TCF20: variants seen among roughly 807,000 people sequenced by gnomAD.
TCF20 encodes SPRE-binding protein.
A neutral mutation model predicts 148.6 loss-of-function variants in TCF20; 3 were observed. The observed-to-expected ratio is 0.02, with a 90% CI of 0.01 to 0.05. The LOEUF is 0.05. Among genes scored for constraint, TCF20 ranks in the 10% least tolerant of loss-of-function variants. The probability of loss-of-function intolerance (pLI) is 1.00; values close to 1 mark genes in which losing one functional copy is unlikely to be tolerated. For synonymous variants in TCF20, 1,049 were observed against 909.5 expected (o/e 1.15, Z -2.76); for missense variants, 2,350 against 2,429.3 (o/e 0.97, Z 0.69).
At chr22:42,215,500 T>TCA (rs907827543) in intron 1 of TCF20, 159 bp from the exon 2 acceptor site, 1 of 921,126 alleles carries the variant, frequency 1.1e-6, no homozygotes. Context: ...GACAAGAGTC[T>TCA]CACTCTGTCA....
rs537947453 is a variant in TCF20, at chr22:42,299,623, C to G, written c.-37+43856G>C. On this transcript the variant is annotated intron_variant, in intron 1 of 1. Transcript: ENST00000515426. The surrounding 1 kb of genome is among the most constrained non-coding windows in gnomAD (Gnocchi z 4.1). ...CTTTCTGTCCCAGCTAGCAGCTCTC[C>G]AACCTCTGTACCTCTCCCCGAACGC... Among the ~76,000 whole-genome samples the G allele has an allele frequency of 6.6e-6, 1 of 152,334 alleles. No homozygotes were observed. The highest frequency in any genetic ancestry group is 1.9e-4 in the East Asian group (1 of 5,176).
At chr22:42,247,999 T>C (rs1280703919) in intron 1 of TCF20, among the ~76,000 whole-genome samples, 3 of 152,198 alleles carry the variant, frequency 2.0e-5, no homozygotes, top group Non-Finnish European at 4.4e-5. Context: ...AACAAATATG[T>C]TGGCTCCTAC....
At chr22:42,194,320 G>A (rs1421075877) in intron 2 of TCF20, among the ~76,000 whole-genome samples, 1 of 152,216 alleles carries the variant, frequency 6.6e-6, no homozygotes, top group Non-Finnish European at 1.5e-5. Context: ...GCAAGTTAGT[G>A]AGATTCCATT....
At chr22:42,227,295 T>TA (rs769987567) in intron 1 of TCF20, among the ~76,000 whole-genome samples, 5 of 152,128 alleles carry the variant, frequency 3.3e-5, no homozygotes, top group Non-Finnish European at 7.4e-5. Flanking sequence ...ATAGTAATTT[T>TA]AAATTACTTC....
intron 1 of TCF20, among the ~76,000 whole-genome samples, chr22:42,339,587 C>G (rs77082277): frequency 6.6e-6 from 1 of 152,260 alleles, no homozygotes; most frequent in Non-Finnish European, 1.5e-5. Context: ...ACCCACTCTG[C>G]GTCAGCATGT....
At chr22:42,268,688 T>C (rs1926424661) in intron 1 of TCF20, among the ~76,000 whole-genome samples, 2 of 152,220 alleles carry the variant, frequency 1.3e-5, no homozygotes, top group Admixed American at 6.5e-5. Flanking sequence ...ATTTTCCAAG[T>C]AGACAAATAT....
chr22:42,206,452 AG>A (rs1430624104), intron 2 of TCF20, among the ~76,000 whole-genome samples: 1 of 152,178 alleles, frequency 6.6e-6, no homozygotes, highest in Non-Finnish European at 1.5e-5. Context: ...TGACTTTCCA[AG>A]GAAAGTTGGG....
At chr22:42,206,433 C>T (rs1376733844) in intron 2 of TCF20, among the ~76,000 whole-genome samples, 1 of 152,046 alleles carries the variant, frequency 6.6e-6, no homozygotes, top group African/African-American at 2.4e-5. Flanking sequence ...AAAAACCCAC[C>T]AAATACTGTG....
chr22:42,168,560 C>A (rs1935926582), intron 5 of TCF20, 49 bp downstream of exon 5: 19 of 1,535,784 alleles, frequency 1.2e-5, no homozygotes, highest in Middle Eastern at 2.3e-4. Context: ...GGCAACGACG[C>A]CTGCTGGGAG....
At chr22:42,255,533 C>A (rs1268485472) in intron 1 of TCF20, among the ~76,000 whole-genome samples, 1 of 147,780 alleles carries the variant, frequency 6.8e-6, no homozygotes, top group East Asian at 1.9e-4. Context: ...ACAACAAAAC[C>A]ACATTATTTA....
At chr22:42,179,730 T>C (rs1936679433) in intron 2 of TCF20, 28 bp from the exon 3 acceptor site, 2 of 1,538,154 alleles carry the variant, frequency 1.3e-6, no homozygotes, top group African/African-American at 2.7e-5. Flanking sequence ...GTCAGGCATG[T>C]CAGTATCCCA....
intron 1 of TCF20, among the ~76,000 whole-genome samples, chr22:42,319,979 C>T (rs1013187321): frequency 1.3e-5 from 2 of 152,170 alleles, no homozygotes; most frequent in African/African-American, 4.8e-5. Flanking sequence ...CACTGCTCTA[C>T]TCCAGGCTCT....
rs71184878 is a variant in TCF20, at chr22:42,251,492, C to CTTTTT, written c.-37+18842_-37+18846dup. ...ACTCTGTACCTGGCCAAACAAGTGTCTTTTTTTTTTTTTTTTTTTTTTTTT... is the reference window on the plus strand; with the variant it reads ...ACTCTGTACCTGGCCAAACAAGTGTCTTTTTTTTTTTTTTTTTTTTTTTTTTTTTT... On this transcript the variant is annotated intron_variant, in intron 1 of 5. Transcript: ENST00000677622. 4.3e-3 allele frequency among the ~76,000 whole-genome samples: 200 copies of CTTTTT among 47,030 alleles called. 44 individuals carry two copies. The highest frequency in any genetic ancestry group is 7.6e-3 in the African/African-American group (84 of 11,118). 30.9% of individuals were successfully genotyped at this position (47,030 alleles called of 152,430 possible).
Position 42,209,785 on chromosome 22 carries a change from G to C in TCF20, c.5521C>G (p.Gln1841Glu). ...TSEGGPELEL[Q>E]IPELPLDSNE... ...CTGTCAAGAGGTAGTTCAGGGATTTGTAACTCCAGCTCAGGGCCACCTTCT... is the reference window on the plus strand; with the variant it reads ...CTGTCAAGAGGTAGTTCAGGGATTTCTAACTCCAGCTCAGGGCCACCTTCT... The change falls in exon 2 of 6, where the codon CAA becomes GAA. Residue 1841 changes from glutamine (Q) to glutamate (E), a missense_variant. Coordinates refer to ENST00000677622, the MANE Select transcript of TCF20 (RefSeq NM_001378418.1). 2 of 1,614,184 alleles carry C rather than the reference G, an allele frequency of 1.2e-6. No homozygotes were observed. The highest frequency in any genetic ancestry group is 1.7e-6 in the Non-Finnish European group (2 of 1,180,042).
At chr22:42,339,449 G>C (rs1928125469) in intron 1 of TCF20, among the ~76,000 whole-genome samples, 1 of 152,146 alleles carries the variant, frequency 6.6e-6, no homozygotes, top group Non-Finnish European at 1.5e-5. Flanking sequence ...GAAAGATCTG[G>C]GGCCATAGAG....
chr22:42,177,367 A>G (rs1227578665), intron 3 of TCF20, among the ~76,000 whole-genome samples: 2 of 152,364 alleles, frequency 1.3e-5, no homozygotes, highest in African/African-American at 4.8e-5. Flanking sequence ...GTGGGCTGAG[A>G]TCATGCCATT....
chr22:42,272,480 G>A (rs145711915), upstream of TCF20, among the ~76,000 whole-genome samples: 31 of 152,204 alleles, frequency 2.0e-4, no homozygotes, highest in African/African-American at 7.0e-4. Flanking sequence ...CCTCACTTGC[G>A]TCTCAGATGC....
At chr22:42,225,929 C>T (rs1922848251) in intron 1 of TCF20, among the ~76,000 whole-genome samples, 2 of 152,222 alleles carry the variant, frequency 1.3e-5, no homozygotes, top group African/African-American at 4.8e-5. Context: ...TGAATTCCAA[C>T]CCACAGTCGG....
intron 1 of TCF20, among the ~76,000 whole-genome samples, chr22:42,235,830 T>C (rs1372876294): frequency 2.6e-5 from 4 of 152,024 alleles, no homozygotes; most frequent in African/African-American, 4.8e-5. Context: ...ACCATATAAA[T>C]CAAAATTATC....
Sources: allele counts gnomAD v4.1 joint callset (sites outside exome capture counted in the v4.1 genomes callset), GRCh38; gene constraint gnomAD v4.1.1; non-coding constraint Gnocchi (gnomAD v3.1); transcripts MANE v1.5; gene names NCBI Gene and HGNC (gene_info 2026-07-23, HGNC 2026-07-21).